Variants in LONRF2 observed in about 807,000 individuals in gnomAD.
The protein encoded by LONRF2 is LON peptidase N-terminal domain and ring finger 2.
A neutral mutation model predicts 66.6 loss-of-function variants in LONRF2; 35 were observed. The ratio of observed to expected loss-of-function variants is 0.53; its 90% confidence interval spans 0.40 to 0.70. The LOEUF is 0.70. LONRF2 is among the 30% of genes least tolerant of loss of function. The pLI is 0.00. For missense variants in LONRF2, 902 were observed against 1,002.1 expected (o/e 0.90, Z 1.35); for synonymous variants, 417 against 418.1 (o/e 1.00, Z 0.03).
intron 10 of LONRF2, among the ~76,000 whole-genome samples, chr2:100,289,642 T>G (rs1674917733): frequency 6.6e-6 from 1 of 152,048 alleles, no homozygotes; most frequent in Admixed American, 6.6e-5. Context: ...TTCACCGTAT[T>G]AGCCAGGATG....
chr2:100,293,761 G>A (rs1440580627), intron 9 of LONRF2, among the ~76,000 whole-genome samples: 1 of 152,180 alleles, frequency 6.6e-6, no homozygotes, highest in Non-Finnish European at 1.5e-5. Flanking sequence ...AAATGTTTTT[G>A]TAGAGATGGG....
chr2:100,316,896 AT>A (rs575389345), intron 1 of LONRF2, among the ~76,000 whole-genome samples: 3 of 151,892 alleles, frequency 2.0e-5, no homozygotes, highest in Admixed American at 6.6e-5. Context: ...ATTATTACAC[AT>A]TTTTTTTCTG....
chr2:100,295,428 T>C lies in LONRF2; in HGVS notation c.1598+4A>G. The C allele has an allele frequency of 6.2e-7, 1 of 1,612,342 alleles. No individual in the cohort carries two copies. Among genetic ancestry groups the C allele is most frequent in the Non-Finnish European group, 8.5e-7 (1 of 1,179,360 alleles). Reference sequence around the variant, plus strand: ...GACCAAGGACACACAACATGAGCACTTACTTTGACAGTTCTGACATTTCTT... The same window carrying C: ...GACCAAGGACACACAACATGAGCACCTACTTTGACAGTTCTGACATTTCTT... On this transcript the variant is annotated splice_donor_region_variant and intron_variant, in intron 8 of 11. Transcript: ENST00000393437.
chr2:100,310,536 G>A (rs1256357875), intron 1 of LONRF2, among the ~76,000 whole-genome samples: 1 of 152,136 alleles, frequency 6.6e-6, no homozygotes, highest in Non-Finnish European at 1.5e-5. Flanking sequence ...TACACACAAA[G>A]ATATTACATC....
intron 11 of LONRF2, among the ~76,000 whole-genome samples, chr2:100,284,735 T>G (rs535854779): frequency 1.3e-5 from 2 of 152,238 alleles, no homozygotes; most frequent in Non-Finnish European, 2.9e-5. Flanking sequence ...ATGGGGAGAT[T>G]CTATGAATTA....
At position 100,277,326 on chromosome 2, in the gene LONRF2, G is replaced by A. The variant is rs563952237; in HGVS notation, c.*6972C>T. 2.0e-5 allele frequency: 3 copies of A among 152,294 alleles called. No homozygotes were observed. Among genetic ancestry groups the A allele is most frequent in the African/African-American group, 7.2e-5 (3 of 41,542 alleles). The allele number at this position is 152,294 out of a possible 1,614,324, so 9.4% of individuals were successfully genotyped here. ...CTATTAAAGCAGTAAATGGCTGGAT[G>A]CCTACTGGGCTCTCCTGGACACAGA... On this transcript the variant is annotated 3_prime_UTR_variant, in exon 12 of 12. Coordinates refer to ENST00000393437, the MANE Select transcript of LONRF2 (RefSeq NM_198461.4).
chr2:100,320,269 C>T (rs1219169163), intron 1 of LONRF2, among the ~76,000 whole-genome samples: 2 of 152,268 alleles, frequency 1.3e-5, no homozygotes, highest in East Asian at 1.9e-4. Context: ...TGCTCTAACA[C>T]CATCAATACC....
intron 1 of LONRF2, among the ~76,000 whole-genome samples, chr2:100,320,531 T>C (rs1483269503): frequency 6.6e-6 from 1 of 152,170 alleles, no homozygotes; most frequent in African/African-American, 2.4e-5. Flanking sequence ...TAAAATAAAA[T>C]GTGCACTGAC....
At position 100,272,859 on chromosome 2, in the gene LONRF2, T is replaced by C. The variant is rs1285307107; in HGVS notation, c.*11439A>G. On this transcript the variant is annotated 3_prime_UTR_variant, in exon 12 of 12. Transcript: ENST00000393437. ...TAATTATGGTTTTAAGCCAAAGCCA[T>C]TGGCAGCCCTCTTTCCTTTTTTTTC... is the stretch of plus-strand genomic sequence containing the variant. Among the ~76,000 whole-genome samples, 3 of 152,242 alleles carry C rather than the reference T, an allele frequency of 2.0e-5. No individual in the cohort carries two copies. Among genetic ancestry groups the C allele is most frequent in the Non-Finnish European group, 2.9e-5 (2 of 68,042 alleles).
At chr2:100,297,419 G>T (rs76104324) in intron 7 of LONRF2, among the ~76,000 whole-genome samples, 40 of 152,164 alleles carry the variant, frequency 2.6e-4, no homozygotes, top group Non-Finnish European at 2.4e-4. Flanking sequence ...TTACAGGCGT[G>T]AGCCACTGCA....
intron 9 of LONRF2, among the ~76,000 whole-genome samples, 178 bp downstream of exon 9, chr2:100,294,051 G>A (rs1559176774): frequency 6.6e-6 from 1 of 152,142 alleles, no homozygotes; most frequent in South Asian, 2.1e-4. Context: ...GGAAGAGGTG[G>A]GCAGTGAGGC....
At chr2:100,320,031 G>T (rs1386723898) in intron 1 of LONRF2, among the ~76,000 whole-genome samples, 3 of 152,162 alleles carry the variant, frequency 2.0e-5, no homozygotes, top group Non-Finnish European at 4.4e-5. Context: ...TGTTGGAATT[G>T]GGTAGTGCAG....
intron 3 of LONRF2, 110 bp from the exon 4 acceptor site, chr2:100,300,897 G>T (rs1305775956): frequency 3.7e-6 from 3 of 818,044 alleles, no homozygotes; most frequent in Non-Finnish European, 5.1e-6. Flanking sequence ...AGCCTAAAAT[G>T]TTGAAAAGAA....
rs753381598 is a variant in LONRF2, at chr2:100,290,410, A to C, written c.1768T>G (p.Tyr590Asp). 1 of 1,609,252 alleles carries C rather than the reference A, an allele frequency of 6.2e-7. No individual in the cohort carries two copies. The highest frequency in any genetic ancestry group is 8.5e-7 in the Non-Finnish European group (1 of 1,178,660). The change falls in exon 10 of 12, where the codon TAT becomes GAT. Residue 590 changes from tyrosine to aspartate, a missense_variant. Tyr to Asp is a radical substitution (Grantham distance 160). Transcript: ENST00000393437. ...LSAEHAGLSE[Y>D]GCMLEIKDVR... Reference sequence around the variant, plus strand: ...TCCTTAATCTCCAGCATGCATCCATACTCTGAAAGCCTGAAAAGACAGTTA... The same window carrying C: ...TCCTTAATCTCCAGCATGCATCCATCCTCTGAAAGCCTGAAAAGACAGTTA...
At position 100,321,481 on chromosome 2, in the gene LONRF2, G is replaced by A. The variant is rs1344878545; in HGVS notation, c.613C>T (p.Arg205Trp). The change falls in exon 1 of 12, where the codon CGG becomes TGG. Residue 205 changes from arginine (R) to tryptophan (W), a missense_variant. Physicochemically the swap from Arg to Trp is moderately radical, Grantham distance 101. Around this residue, in one of 2 missense-constraint regions of LONRF2, gnomAD observed 585 missense variants for 569.9 expected, o/e 1.03. Transcript: ENST00000393437. Reference protein sequence around the residue: ...CRLRRLAGQARSLQRQQQPEA... With the variant: ...CRLRRLAGQAWSLQRQQQPEA... ...GGCTGCTGCTGGCGCTGCAGGCTCC[G>A]CGCCTGGCCTGCCAGCCTGCGCAGC... The A allele has an allele frequency of 6.6e-7, 1 of 1,518,638 alleles. No individual in the cohort carries two copies. The highest frequency in any genetic ancestry group is 2.3e-4 in the Middle Eastern group (1 of 4,328). 94.1% of individuals were successfully genotyped at this position (1,518,638 alleles called of 1,614,324 possible). A position where few individuals can be genotyped will look rare whatever the true frequency, so the allele number is the denominator to read the frequency against.
Position 100,294,257 on chromosome 2 carries a change from C to T in LONRF2, c.1729G>A (p.Gly577Ser). The T allele has an allele frequency of 6.2e-7, 1 of 1,604,970 alleles. No homozygotes were observed. The highest frequency in any genetic ancestry group is 8.5e-7 in the Non-Finnish European group (1 of 1,176,844). ...RCMETGTKRF[G>S]MCLSAEHAGL... ...GCGTGCTCAGCAGATAAACACATGC[C>T]AAACCGCTTGGTGCCAGTTTCCATG... The change falls in exon 9 of 12, where the codon GGC becomes AGC. Residue 577 changes from glycine (G) to serine (S), a missense_variant. Coordinates refer to ENST00000393437, the MANE Select transcript of LONRF2 (RefSeq NM_198461.4).
chr2:100,289,059 T>C (rs1674903685), intron 10 of LONRF2, among the ~76,000 whole-genome samples: 1 of 152,250 alleles, frequency 6.6e-6, no homozygotes, highest in African/African-American at 2.4e-5. Flanking sequence ...AAGTCTTTTA[T>C]ATTTAGCTTT....
At position 100,302,996 on chromosome 2, in the gene LONRF2, C is replaced by CGTAAAG; in HGVS notation, c.845_846insCTTTAC (p.Lys282delinsAsnPheThr). The CGTAAAG allele has an allele frequency of 6.2e-7, 1 of 1,611,034 alleles. No individual in the cohort carries two copies. The highest frequency in any genetic ancestry group is 8.5e-7 in the Non-Finnish European group (1 of 1,178,220). On this transcript the variant is annotated protein_altering_variant, in exon 3 of 12. Transcript: ENST00000393437. ...AGTAGAGAAATTCCTTTAACACTTCCTTACTTCTTCCCAATCCAGAAAGAG... is the reference window on the plus strand; with the variant it reads ...AGTAGAGAAATTCCTTTAACACTTCCGTAAAGTTACTTCTTCCCAATCCAGAAAGAG...
intron 9 of LONRF2, 80 bp from the exon 10 acceptor site, chr2:100,290,500 T>C (rs1303605913): frequency 4.2e-6 from 6 of 1,412,840 alleles, no homozygotes; most frequent in Non-Finnish European, 5.8e-6. Flanking sequence ...GAGTTTACTT[T>C]TAAAAGGAAT....
Sources: allele counts gnomAD v4.1 joint callset (sites outside exome capture counted in the v4.1 genomes callset), GRCh38; gene constraint gnomAD v4.1.1; regional missense constraint gnomAD v4.1.1; transcripts MANE v1.5; gene names NCBI Gene and HGNC (gene_info 2026-07-23, HGNC 2026-07-21).